Variants in DPF3 observed in about 807,000 individuals in gnomAD.
DPF3 encodes double PHD fingers 3, also known as zinc finger protein DPF3.
DPF3 carries 18 observed loss-of-function variants against 56.8 expected under a neutral mutation model. The observed-to-expected ratio is 0.32, with a 90% CI of 0.22 to 0.47. The LOEUF (loss-of-function observed/expected upper bound fraction) is 0.47. DPF3 is among the 20% of genes least tolerant of loss of function. DPF3 has a pLI of 1.00. For missense variants in DPF3, 403 were observed against 488.8 expected (o/e 0.82, Z 1.65); for synonymous variants, 188 against 180.2 (o/e 1.04, Z -0.35).
chr14:72,642,523 G>A (rs1885593744), intron 8 of DPF3, among the ~76,000 whole-genome samples: 1 of 152,236 alleles, frequency 6.6e-6, no homozygotes, highest in Admixed American at 6.5e-5. Context: ...AGAGCTAATA[G>A]TGGGAACAAA....
At chr14:72,830,610 T>C (rs1173751563) in intron 1 of DPF3, among the ~76,000 whole-genome samples, 3 of 152,196 alleles carry the variant, frequency 2.0e-5, no homozygotes, top group African/African-American at 7.2e-5. Context: ...ATGGAATAGA[T>C]GTGACGCACT....
intron 1 of DPF3, among the ~76,000 whole-genome samples, chr14:72,886,326 C>T (rs1293308067): frequency 3.3e-5 from 5 of 151,964 alleles, no homozygotes; most frequent in Non-Finnish European, 5.9e-5. Flanking sequence ...GAGCCAAGAT[C>T]GCGTCACTGC....
rs1884312801 is a variant in DPF3, at chr14:72,619,824, G to A, written c.1066+79C>T. 3.8e-6 allele frequency: 5 copies of A among 1,331,256 alleles called. 1 individual carries two copies. The East Asian group carries it at 1.3e-4, about 34-fold the overall frequency. 82.5% of individuals were successfully genotyped at this position (1,331,256 alleles called of 1,614,324 possible). ...ATGTAAACCCATTAGCATAAGGCCT[G>A]TACCATAGTGAGAGCTCAGTAAGTG... On this transcript the variant is annotated intron_variant, in intron 10 of 10. Coordinates refer to ENST00000556509, the MANE Select transcript of DPF3 (RefSeq NM_001280542.3).
chr14:72,671,525 A>C, intron 8 of DPF3: 1 of 861,252 alleles, frequency 1.2e-6, no homozygotes, highest in Non-Finnish European at 2.0e-6. Context: ...TCCAGGGAAG[A>C]GGCTTCCCCC....
intron 7 of DPF3, among the ~76,000 whole-genome samples, chr14:72,686,965 G>A (rs904089520): frequency 3.3e-5 from 5 of 152,234 alleles, no homozygotes; most frequent in African/African-American, 1.2e-4. Flanking sequence ...GACAAGAGAT[G>A]TCAGAAGACT....
intron 2 of DPF3, among the ~76,000 whole-genome samples, chr14:72,758,903 T>C (rs1890951188): frequency 6.6e-6 from 1 of 152,110 alleles, no homozygotes; most frequent in Admixed American, 6.5e-5. Flanking sequence ...TTCAGCAAGG[T>C]AAAATTCACA....
chr14:72,872,282 G>A (rs1306218220), intron 1 of DPF3, among the ~76,000 whole-genome samples: 1 of 152,184 alleles, frequency 6.6e-6, no homozygotes, highest in East Asian at 1.9e-4. Flanking sequence ...CTGCCGTGAA[G>A]GTCTCTGACA....
intron 1 of DPF3, among the ~76,000 whole-genome samples, chr14:72,840,511 C>T (rs766112374): frequency 6.6e-6 from 1 of 152,112 alleles, no homozygotes; most frequent in East Asian, 1.9e-4. Context: ...CCACAATTCT[C>T]CCCATATTCA....
chr14:72,719,765 A>ATCT (rs1889089939), intron 5 of DPF3, among the ~76,000 whole-genome samples: 1 of 152,154 alleles, frequency 6.6e-6, no homozygotes, highest in Non-Finnish European at 1.5e-5. Context: ...TCCTGATAAT[A>ATCT]TCTAGGCAGT....
intron 3 of DPF3, among the ~76,000 whole-genome samples, chr14:72,746,497 C>A (rs1323978447): frequency 6.6e-6 from 1 of 152,116 alleles, no homozygotes; most frequent in Non-Finnish European, 1.5e-5. Flanking sequence ...TTTAGCAGGC[C>A]TAGTAGTAGG....
chr14:72,656,685 G>A (rs1886072056), intron 8 of DPF3, among the ~76,000 whole-genome samples: 1 of 152,204 alleles, frequency 6.6e-6, no homozygotes, highest in Non-Finnish European at 1.5e-5. Context: ...TGTGATCACA[G>A]GGTAGAACTT....
At chr14:72,636,801 T>C (rs1410338816) in intron 8 of DPF3, among the ~76,000 whole-genome samples, 1 of 152,202 alleles carries the variant, frequency 6.6e-6, no homozygotes, top group Non-Finnish European at 1.5e-5. Context: ...TCCAGAGGCA[T>C]CTGAATGGCT....
Position 72,838,296 on chromosome 14 carries a change from C to T in DPF3, c.32+55761G>A, listed in dbSNP as rs578260969. Among the ~76,000 whole-genome samples, 4 of 151,894 alleles carry T rather than the reference C, an allele frequency of 2.6e-5. No homozygotes were observed. In the East Asian group the frequency reaches 7.8e-4, roughly 30 times the overall value. ...ATCACTTGAGGTCAGGAGTTCGAGA[C>T]CAGCCTGGCCAACATGGTGAAACTT... On this transcript the variant is annotated intron_variant, in intron 1 of 10. Coordinates refer to ENST00000556509, the MANE Select transcript of DPF3 (RefSeq NM_001280542.3).
chr14:72,850,015 A>G (rs1478391379), intron 1 of DPF3, among the ~76,000 whole-genome samples: 1 of 152,116 alleles, frequency 6.6e-6, no homozygotes, highest in East Asian at 1.9e-4. Context: ...GCTCCTTGGG[A>G]GGCTGAGGCT....
At chr14:72,693,351 C>A in intron 6 of DPF3, 138 bp from the exon 7 acceptor site, 1 of 1,004,462 alleles carries the variant, frequency 1.0e-6, no homozygotes, top group Non-Finnish European at 1.4e-6. Flanking sequence ...CCCATCCCAA[C>A]ATCCCTTTCC....
intron 1 of DPF3, among the ~76,000 whole-genome samples, chr14:72,827,628 C>T (rs545782010): frequency 2.6e-5 from 4 of 151,804 alleles, no homozygotes; most frequent in South Asian, 2.1e-4. Flanking sequence ...AGGTGCCCAC[C>T]GCCATGCCCA....
At chr14:72,634,949 A>T (rs1222572753) in intron 8 of DPF3, among the ~76,000 whole-genome samples, 1 of 152,082 alleles carries the variant, frequency 6.6e-6, no homozygotes, top group Non-Finnish European at 1.5e-5. Flanking sequence ...ATCATTAAAA[A>T]CCTAGTCCTT....
intron 1 of DPF3, among the ~76,000 whole-genome samples, chr14:72,788,732 T>C (rs1437779161): frequency 1.3e-5 from 2 of 152,262 alleles, no homozygotes; most frequent in East Asian, 1.9e-4. Flanking sequence ...GGGAGGTTGA[T>C]GGTGGAAGGG....
At chr14:72,648,613 T>C (rs997064165) in intron 8 of DPF3, among the ~76,000 whole-genome samples, 5 of 149,858 alleles carry the variant, frequency 3.3e-5, no homozygotes, top group African/African-American at 4.9e-5. Flanking sequence ...ATCTTCTCCA[T>C]GCCACACCCA....
Sources: gnomAD v4.1 joint callset for allele counts (sites outside exome capture counted in the v4.1 genomes callset) on GRCh38, gnomAD v4.1.1 for gene constraint, MANE v1.5 for transcripts, NCBI Gene and HGNC (gene_info 2026-07-23, HGNC 2026-07-21) for gene names.